PTPRM: variants seen among roughly 807,000 people sequenced by gnomAD.
PTPRM encodes protein tyrosine phosphatase receptor type M, also known as receptor-type tyrosine-protein phosphatase mu.
A neutral mutation model predicts 186.7 loss-of-function variants in PTPRM; 47 were observed. The ratio of observed to expected loss-of-function variants is 0.25; its 90% CI spans 0.20 to 0.32. The LOEUF (loss-of-function observed/expected upper bound fraction) is 0.32, where lower values mean the gene tolerates loss of function less well. PTPRM is among the 10% of genes least tolerant of loss of function. PTPRM has a pLI of 1.00. For synonymous variants in PTPRM, 668 were observed against 674.9 expected (o/e 0.99, Z 0.16); for missense variants, 1,494 against 1,865.0 (o/e 0.80, Z 3.66).
intron 3 of PTPRM, among the ~76,000 whole-genome samples, chr18:7,897,605 C>T (rs1370288800): frequency 2.6e-5 from 4 of 152,202 alleles, no homozygotes; most frequent in Non-Finnish European, 4.4e-5. Context: ...TGATTGTTTT[C>T]ACCCTCAAAG....
rs745517522 is a variant in PTPRM, at chr18:8,319,206, C to G, written c.2948C>G (p.Ala983Gly). 1 of 1,558,728 alleles carries G rather than the reference C, an allele frequency of 6.4e-7. No homozygotes were observed. Among genetic ancestry groups the G allele is most frequent in the Non-Finnish European group, 8.8e-7 (1 of 1,133,846 alleles). Reference protein sequence around the residue: ...DGYHRPNHYIATQGPMQETIY... With the variant: ...DGYHRPNHYIGTQGPMQETIY... ...TATCATCGACCCAATCATTACATTG[C>G]TACCCAAGGTAAGTTTATTTCTACT... Residue 983 changes from alanine to glycine, a missense_variant, in exon 22 of 33, where the codon GCT becomes GGT. This residue lies in a region of PTPRM where 1,107 missense variants were observed against 1,350.2 expected (regional missense o/e 0.82). Transcript: ENST00000580170.
chr18:8,339,431 T>C (rs976534266), intron 22 of PTPRM, among the ~76,000 whole-genome samples: 2 of 152,180 alleles, frequency 1.3e-5, no homozygotes, highest in Non-Finnish European at 2.9e-5. Context: ...CCACAGCAAT[T>C]GCAGTGGCTC....
rs1450590267 is a variant in PTPRM at position 7,651,901 on chromosome 18, T to C, written c.73+84010T>C. 2.7e-5 allele frequency among the ~76,000 whole-genome samples: 4 copies of C among 150,646 alleles called. No homozygotes were observed. In the East Asian group the frequency reaches 7.8e-4, roughly 29 times the overall value. On this transcript the variant is annotated intron_variant, in intron 1 of 32. Coordinates refer to ENST00000580170, the MANE Select transcript of PTPRM (RefSeq NM_001105244.2). ...GGCAACAAAAGCCAAAATTGACAAATGGGATCTAATTAAACTAAAGAGCTT... is the reference window on the plus strand; with the variant it reads ...GGCAACAAAAGCCAAAATTGACAAACGGGATCTAATTAAACTAAAGAGCTT...
chr18:8,132,725 G>A (rs907131679), intron 13 of PTPRM, among the ~76,000 whole-genome samples: 1 of 152,088 alleles, frequency 6.6e-6, no homozygotes, highest in African/African-American at 2.4e-5. Context: ...TACTCACTTT[G>A]TGTCTCTCTG....
At chr18:7,578,896 C>T (rs972245504) in intron 1 of PTPRM, among the ~76,000 whole-genome samples, 2 of 152,058 alleles carry the variant, frequency 1.3e-5, no homozygotes, top group Admixed American at 6.5e-5. Context: ...TCAGTCTGTT[C>T]CCCCATCCTC....
chr18:8,330,940 ATCTC>A (rs2095408955), intron 22 of PTPRM, among the ~76,000 whole-genome samples: 1 of 152,126 alleles, frequency 6.6e-6, no homozygotes, highest in African/African-American at 2.4e-5. Flanking sequence ...CAGTGTCTCT[ATCTC>A]TGCATTGTAT....
intron 4 of PTPRM, among the ~76,000 whole-genome samples, chr18:7,925,704 C>T (rs953952460): frequency 1.6e-4 from 25 of 152,086 alleles, no homozygotes; most frequent in Non-Finnish European, 3.4e-4. Flanking sequence ...CTCTGCTGTG[C>T]CCACCCTTCC....
intron 7 of PTPRM, among the ~76,000 whole-genome samples, chr18:7,984,978 T>TATAATTATATACATATAATTATATAA (rs1568131159): frequency 2.0e-4 from 25 of 124,254 alleles, no homozygotes; most frequent in Non-Finnish European, 2.6e-4. Flanking sequence ...TAATTATATA[T>TATAATTATATACATATAATTATATAA]ACATATAATT....
At chr18:8,386,103 G>A (rs2095770968) in intron 30 of PTPRM, among the ~76,000 whole-genome samples, 1 of 152,128 alleles carries the variant, frequency 6.6e-6, no homozygotes, top group Non-Finnish European at 1.5e-5. Context: ...GGGCATTGTG[G>A]AGAGAGGATC....
At chr18:7,704,499 C>T (rs150578894) in intron 1 of PTPRM, among the ~76,000 whole-genome samples, 1,735 of 152,214 alleles carry the variant, frequency 0.011, 34 homozygotes, top group African/African-American at 0.039. Flanking sequence ...GTTTGTATTT[C>T]TGTGGGATCA....
At chr18:7,997,766 G>A (rs1422005144) in intron 7 of PTPRM, among the ~76,000 whole-genome samples, 1 of 152,092 alleles carries the variant, frequency 6.6e-6, no homozygotes, top group Non-Finnish European at 1.5e-5. Flanking sequence ...GCCTGCAGCT[G>A]TACGAAAAAA....
At chr18:8,098,068 A>T (rs2091098598) in intron 11 of PTPRM, among the ~76,000 whole-genome samples, 1 of 152,198 alleles carries the variant, frequency 6.6e-6, no homozygotes, top group African/African-American at 2.4e-5. Flanking sequence ...TCTGTAGCCT[A>T]GCAGCAATAG....
At position 8,392,668 on chromosome 18, in the gene PTPRM, C is replaced by G. The variant is rs141199638; in HGVS notation, c.4209-1808C>G. ...CCTTATCTCCTTGAGGAGAGAGTGA[C>G]TGCAGAGTTGATGCAGGGATAGTGC... On this transcript the variant is annotated intron_variant, in intron 31 of 32. Transcript: ENST00000580170. 2.5e-3 allele frequency among the ~76,000 whole-genome samples: 380 copies of G among 151,634 alleles called. 1 individual carries two copies. Among genetic ancestry groups the G allele is most frequent in the African/African-American group, 8.8e-3 (365 of 41,330 alleles).
At chr18:8,352,208 A>G (rs2095537980) in intron 23 of PTPRM, among the ~76,000 whole-genome samples, 1 of 152,246 alleles carries the variant, frequency 6.6e-6, no homozygotes, top group African/African-American at 2.4e-5. Flanking sequence ...GTACCAACAA[A>G]GGGACTCATT....
rs140867410 is a variant in PTPRM, at chr18:8,104,437, T to C, written c.1857-9049T>C. On this transcript the variant is annotated intron_variant, in intron 11 of 32. Coordinates refer to ENST00000580170, the MANE Select transcript of PTPRM (RefSeq NM_001105244.2). ...TTTTAAGCTGAAACATTTTGGGGTT[T>C]TGTTTGTTCGTTTTGTTATGTTTTA... 5.9e-5 allele frequency among the ~76,000 whole-genome samples: 9 copies of C among 152,140 alleles called. No individual in the cohort carries two copies. In the East Asian group the frequency reaches 1.7e-3, roughly 29 times the overall value.
chr18:8,247,126 A>T (rs1485008204), intron 15 of PTPRM, among the ~76,000 whole-genome samples: 1 of 152,208 alleles, frequency 6.6e-6, no homozygotes, highest in Non-Finnish European at 1.5e-5. Flanking sequence ...TACTTAAAAA[A>T]ATTATTCTAT....
intron 2 of PTPRM, among the ~76,000 whole-genome samples, chr18:7,797,152 A>G (rs567849028): frequency 6.6e-6 from 1 of 152,276 alleles, no homozygotes; most frequent in Admixed American, 6.5e-5. Context: ...TCGAGTGTCT[A>G]GGGCTGGGCT....
At chr18:8,366,151 T>G (rs958830412) in intron 23 of PTPRM, among the ~76,000 whole-genome samples, 2 of 152,166 alleles carry the variant, frequency 1.3e-5, no homozygotes, top group Non-Finnish European at 2.9e-5. Flanking sequence ...TTCTTAGAAC[T>G]CTCTGCCATA....
chr18:7,594,987 T>C (rs905996197), intron 1 of PTPRM, among the ~76,000 whole-genome samples: 1 of 152,168 alleles, frequency 6.6e-6, no homozygotes, highest in African/African-American at 2.4e-5. Context: ...TCTTGAAGTG[T>C]CTTGGAGTTC....
Sources: allele counts gnomAD v4.1 joint callset (sites outside exome capture counted in the v4.1 genomes callset), GRCh38; gene constraint gnomAD v4.1.1; regional missense constraint gnomAD v4.1.1; transcripts MANE v1.5; gene names NCBI Gene and HGNC (gene_info 2026-07-23, HGNC 2026-07-21).